CNIH3: variants seen among roughly 807,000 people sequenced by gnomAD.
The protein encoded by CNIH3 is cornichon family AMPA receptor auxiliary protein 3.
A neutral mutation model predicts 24.1 loss-of-function variants in CNIH3; 14 were observed. The observed-to-expected ratio is 0.58, with a 90% CI of 0.38 to 0.91. The LOEUF (loss-of-function observed/expected upper bound fraction) is 0.91. Ranked by LOEUF, CNIH3 falls within the 40% of genes least tolerant of loss-of-function variation. The probability of loss-of-function intolerance (pLI) is 0.00; values close to 1 mark genes in which losing one functional copy is unlikely to be tolerated. For synonymous variants in CNIH3, 68 were observed against 73.8 expected (o/e 0.92, Z 0.40); for missense variants, 178 against 196.8 (o/e 0.90, Z 0.57).
At chr1:224,441,773 C>A (rs1232286806) in intron 1 of CNIH3, among the ~76,000 whole-genome samples, 1 of 152,080 alleles carries the variant, frequency 6.6e-6, no homozygotes, top group Admixed American at 6.5e-5. Context: ...GATCTCGAGG[C>A]TTCTTCAGTT....
At chr1:224,549,681 A>G (rs1291095705) in intron 3 of CNIH3, among the ~76,000 whole-genome samples, 1 of 152,130 alleles carries the variant, frequency 6.6e-6, no homozygotes, top group Non-Finnish European at 1.5e-5. Context: ...CACTAATACC[A>G]CAGGGTGTAA....
At chr1:224,649,680 G>T (rs1572656611) in intron 1 of CNIH3, among the ~76,000 whole-genome samples, 1 of 152,106 alleles carries the variant, frequency 6.6e-6, no homozygotes, top group Non-Finnish European at 1.5e-5. Context: ...GGAAAACTTT[G>T]CCCGAGGAAA....
At chr1:224,708,414 A>T (rs1352711788) in intron 3 of CNIH3, among the ~76,000 whole-genome samples, 1 of 152,146 alleles carries the variant, frequency 6.6e-6, no homozygotes, top group Non-Finnish European at 1.5e-5. Flanking sequence ...AAAAAGTTGC[A>T]TTGGCCTTAG....
At chr1:224,579,600 T>G (rs754293831) in intron 4 of CNIH3, among the ~76,000 whole-genome samples, 4 of 152,152 alleles carry the variant, frequency 2.6e-5, no homozygotes, top group African/African-American at 4.8e-5. Context: ...ATGCTGAAAT[T>G]TGATCACCAG....
chr1:224,635,874 G>T (rs1441887990), intron 1 of CNIH3, among the ~76,000 whole-genome samples: 11 of 151,968 alleles, frequency 7.2e-5, no homozygotes, highest in African/African-American at 2.4e-4. Context: ...ACCACACCTG[G>T]CTCATTTTTT....
intron 5 of CNIH3, among the ~76,000 whole-genome samples, chr1:224,586,271 T>A (rs886278748): frequency 6.6e-6 from 1 of 152,184 alleles, no homozygotes; most frequent in Non-Finnish European, 1.5e-5. Context: ...AGAGTTTTAA[T>A]AGACTCACAG....
intron 3 of CNIH3, among the ~76,000 whole-genome samples, chr1:224,697,890 A>G (rs924973311): frequency 6.6e-6 from 1 of 152,182 alleles, no homozygotes; most frequent in Non-Finnish European, 1.5e-5. Context: ...AGGTAAAACC[A>G]TGCCAGCCTG....
At chr1:224,449,475 G>A (rs151117172) in intron 1 of CNIH3, among the ~76,000 whole-genome samples, 10 of 151,740 alleles carry the variant, frequency 6.6e-5, no homozygotes, top group South Asian at 2.1e-4. Context: ...CTAATTTGTT[G>A]CCGTCACTGC....
At chr1:224,660,225 G>A (rs1215796328) in intron 1 of CNIH3, among the ~76,000 whole-genome samples, 1 of 152,168 alleles carries the variant, frequency 6.6e-6, no homozygotes. Flanking sequence ...CAATCACGGT[G>A]GAAGACAAGG....
At chr1:224,584,276 A>G (rs1681402375) in intron 5 of CNIH3, among the ~76,000 whole-genome samples, 1 of 152,250 alleles carries the variant, frequency 6.6e-6, no homozygotes, top group Non-Finnish European at 1.5e-5. Context: ...TCTATTGCAT[A>G]GAGAAGTATA....
At chr1:224,736,372 C>T (rs550896522) in intron 5 of CNIH3, among the ~76,000 whole-genome samples, 69 of 152,154 alleles carry the variant, frequency 4.5e-4, no homozygotes, top group Non-Finnish European at 7.6e-4. Context: ...GTGATCTACC[C>T]GCCTCAGCCT....
chr1:224,529,470 C>T (rs953299047), intron 2 of CNIH3: 5 of 152,018 alleles, frequency 3.3e-5, no homozygotes, highest in African/African-American at 1.2e-4. Flanking sequence ...CTTACCAGGC[C>T]GGGGGTTTTG....
chr1:224,701,159 C>T (rs973417036), intron 3 of CNIH3, among the ~76,000 whole-genome samples: 6 of 150,430 alleles, frequency 4.0e-5, no homozygotes, highest in Non-Finnish European at 7.4e-5. Context: ...TAGGGGGTGT[C>T]ACACTGCTAT....
At chr1:224,709,920 T>C (rs907042724) in intron 3 of CNIH3, among the ~76,000 whole-genome samples, 2 of 152,216 alleles carry the variant, frequency 1.3e-5, no homozygotes, top group Non-Finnish European at 2.9e-5. Flanking sequence ...ATGTTTTTCC[T>C]ATCCATACAT....
chr1:224,705,850 CTTTTTTTTCTTTTTTT>C (rs1687765489), intron 3 of CNIH3, among the ~76,000 whole-genome samples: 2 of 90,208 alleles, frequency 2.2e-5, no homozygotes. Flanking sequence ...TCTTTCTTTT[CTTTTTTTTCTTTTTTT>C]TTTTTTTTGA....
intron 3 of CNIH3, among the ~76,000 whole-genome samples, chr1:224,564,079 A>G (rs1680484932): frequency 6.6e-6 from 1 of 152,252 alleles, no homozygotes; most frequent in South Asian, 2.1e-4. Context: ...GTTTGATTTG[A>G]TAAGTGGCTT....
chr1:224,700,293 C>G (rs887003694), intron 3 of CNIH3, among the ~76,000 whole-genome samples: 2 of 152,176 alleles, frequency 1.3e-5, no homozygotes, highest in South Asian at 4.1e-4. Context: ...CACATTTAAC[C>G]TAATTGCTTC....
At chr1:224,463,022 C>T (rs1023506508) in intron 1 of CNIH3, among the ~76,000 whole-genome samples, 11 of 150,954 alleles carry the variant, frequency 7.3e-5, no homozygotes, top group African/African-American at 2.2e-4. Flanking sequence ...CTCAGCCTCC[C>T]GAGTAGCTGG....
downstream of CNIH3, among the ~76,000 whole-genome samples, chr1:224,589,350 T>G (rs1681652799): frequency 6.6e-6 from 1 of 152,204 alleles, no homozygotes; most frequent in African/African-American, 2.4e-5. Flanking sequence ...ATGTTTATAA[T>G]AAGTCTACAT....
Sources: gnomAD v4.1 joint callset for allele counts (sites outside exome capture counted in the v4.1 genomes callset) on GRCh38, gnomAD v4.1.1 for gene constraint, MANE v1.5 for transcripts, NCBI Gene and HGNC (gene_info 2026-07-23, HGNC 2026-07-21) for gene names.